AK9: variants seen among roughly 807,000 people sequenced by gnomAD.
AK9 encodes the protein adenylate kinase domain containing 1.
A neutral mutation model predicts 239.6 loss-of-function variants in AK9; 191 were observed. The observed-to-expected ratio is 0.80, with a 90% confidence interval of 0.71 to 0.90. The LOEUF is 0.90. Ranked by LOEUF, AK9 falls within the 40% of genes least tolerant of loss-of-function variation. The pLI is 0.00. For missense variants in AK9, 1,995 were observed against 2,214.7 expected (o/e 0.90, Z 1.99); for synonymous variants, 689 against 721.0 (o/e 0.96, Z 0.71).
chr6:109,547,722 T>C (rs1241678837), intron 25 of AK9, among the ~76,000 whole-genome samples: 2 of 151,808 alleles, frequency 1.3e-5, no homozygotes, highest in African/African-American at 4.8e-5. Context: ...AAAAAACCTC[T>C]GTATCACAAA....
intron 29 of AK9, among the ~76,000 whole-genome samples, chr6:109,523,062 G>GCAATTTACCCTC (rs1299122897): frequency 2.0e-5 from 3 of 151,994 alleles, no homozygotes; most frequent in African/African-American, 7.3e-5. Flanking sequence ...GAATTTTTCT[G>GCAATTTACCCTC]CAATTTACCC....
chr6:109,675,231 A>G (rs1771533275), intron 2 of AK9, among the ~76,000 whole-genome samples: 1 of 152,202 alleles, frequency 6.6e-6, no homozygotes, highest in Non-Finnish European at 1.5e-5. Flanking sequence ...CACTACTAAC[A>G]GTTGTCATGT....
At chr6:109,536,658 G>C in intron 27 of AK9, among the ~76,000 whole-genome samples, 1 of 152,214 alleles carries the variant, frequency 6.6e-6, no homozygotes, top group Admixed American at 6.5e-5. Context: ...GGAGTGGTGA[G>C]AGAGGGCATC....
chr6:109,515,307 A>C (rs1779167890), intron 31 of AK9, among the ~76,000 whole-genome samples: 1 of 152,238 alleles, frequency 6.6e-6, no homozygotes, highest in African/African-American at 2.4e-5. Context: ...CTATCATGAA[A>C]GGGAAAAATA....
chr6:109,567,875 A>G (rs1786799838), intron 21 of AK9, among the ~76,000 whole-genome samples: 1 of 114,958 alleles, frequency 8.7e-6, no homozygotes, highest in Non-Finnish European at 1.9e-5. Context: ...TAGAACTTAA[A>G]GTAAAATAAA....
chr6:109,516,123 T>C (rs1326340080), intron 30 of AK9, 48 bp from the exon 31 acceptor site: 16 of 1,451,520 alleles, frequency 1.1e-5, no homozygotes, highest in Non-Finnish European at 1.5e-5. Context: ...AGAAAAAGGC[T>C]GGTAGTATTT....
intron 17 of AK9, among the ~76,000 whole-genome samples, chr6:109,605,606 T>C (rs1230844343): frequency 6.6e-6 from 1 of 151,826 alleles, no homozygotes; most frequent in East Asian, 1.9e-4. Flanking sequence ...AATTTTGGAG[T>C]AAGAAAGAGA....
intron 6 of AK9, 35 bp from the exon 7 acceptor site, chr6:109,659,448 T>C (rs1800140137): frequency 6.4e-7 from 1 of 1,566,570 alleles, no homozygotes. Flanking sequence ...CTTAAAACAT[T>C]TTGAATATGC....
At chr6:109,517,436 T>A (rs1354579400) in intron 29 of AK9, among the ~76,000 whole-genome samples, 1 of 152,204 alleles carries the variant, frequency 6.6e-6, no homozygotes, top group African/African-American at 2.4e-5. Flanking sequence ...ATGTTACATG[T>A]TTTTGATGGT....
chr6:109,593,621 T>G (rs957309691), intron 17 of AK9, among the ~76,000 whole-genome samples: 4 of 152,102 alleles, frequency 2.6e-5, no homozygotes, highest in Admixed American at 2.6e-4. Context: ...CTCAATAAAA[T>G]ACTGGCAAAC....
rs2128149057 is a variant in AK9 at position 109,541,967 on chromosome 6, A to G, written c.3350+80T>C. The G allele has an allele frequency of 8.1e-6, 10 of 1,229,244 alleles. No individual in the cohort carries two copies. In the South Asian group the frequency reaches 1.4e-4, roughly 17 times the overall value. 76.1% of individuals were successfully genotyped at this position (1,229,244 alleles called of 1,614,324 possible). On this transcript the variant is annotated intron_variant, in intron 27 of 40. Coordinates refer to ENST00000424296, the MANE Select transcript of AK9 (RefSeq NM_001145128.3). ...TATAAAGGAGAAAGTTCTTAAATGT[A>G]TGTTAAACTACATTTTTAACTTTTA...
At chr6:109,565,473 C>CT in intron 21 of AK9, among the ~76,000 whole-genome samples, 1 of 99,254 alleles carries the variant, frequency 1.0e-5, no homozygotes, top group South Asian at 6.9e-4. Context: ...GACACCATCT[C>CT]TTTAAAAAAA....
chr6:109,667,871 A>C (rs757880808), intron 5 of AK9, among the ~76,000 whole-genome samples: 1 of 152,202 alleles, frequency 6.6e-6, no homozygotes, highest in Non-Finnish European at 1.5e-5. Flanking sequence ...ATATGTGTGC[A>C]TGTGTCCTTA....
intron 39 of AK9, 62 bp downstream of exon 39, chr6:109,495,276 G>A (rs1776918202): frequency 7.7e-7 from 1 of 1,302,738 alleles, no homozygotes; most frequent in Admixed American, 2.4e-5. Context: ...GAAAATTAGT[G>A]TTAAAAAGAA....
intron 17 of AK9, among the ~76,000 whole-genome samples, chr6:109,600,982 T>A (rs1343294068): frequency 6.6e-6 from 1 of 152,182 alleles, no homozygotes; most frequent in Non-Finnish European, 1.5e-5. Context: ...TCTTTATTAG[T>A]CTTGCTAGCA....
At chr6:109,591,890 C>T (rs550139436) in intron 17 of AK9, among the ~76,000 whole-genome samples, 1 of 151,532 alleles carries the variant, frequency 6.6e-6, no homozygotes, top group Non-Finnish European at 1.5e-5. Flanking sequence ...TCACTGCCAG[C>T]ACTCATTTGA....
intron 29 of AK9, chr6:109,528,558 T>A (rs753337510): frequency 3.7e-5 from 17 of 457,114 alleles, no homozygotes; most frequent in South Asian, 2.6e-4. Context: ...AATATTTTGT[T>A]TTGACAAAGC....
Position 109,565,604 on chromosome 6 carries a change from T to C in AK9, c.2345-759A>G, listed in dbSNP as rs75205669. 1.2e-3 allele frequency among the ~76,000 whole-genome samples: 176 copies of C among 152,282 alleles called. 1 individual carries two copies. The highest frequency in any genetic ancestry group is 4.0e-3 in the African/African-American group (166 of 41,568). On this transcript the variant is annotated intron_variant, in intron 21 of 40. Transcript: ENST00000424296. ...AGATTTAAGAGACTCTCAACTAATT[T>C]CACGGTTGAAGATATAGGTTGAAAA...
In AK9 at chr6:109,639,269, C is replaced by T. The variant is rs57395711; in HGVS notation, c.933+2249G>A. ...TTGAACTAATCTACACTCCCACCAA[C>T]GGTGTAAAAGTGTTCCTATTTCTCC... On this transcript the variant is annotated intron_variant, in intron 10 of 40. Coordinates refer to ENST00000424296, the MANE Select transcript of AK9 (RefSeq NM_001145128.3). Among the ~76,000 whole-genome samples, 1,154 of 152,320 alleles carry T rather than the reference C, an allele frequency of 7.6e-3. 16 individuals carry two copies. The highest frequency in any genetic ancestry group is 0.022 in the African/African-American group (925 of 41,572).
Sources: gnomAD v4.1 joint callset for allele counts (sites outside exome capture counted in the v4.1 genomes callset) on GRCh38, gnomAD v4.1.1 for gene constraint, MANE v1.5 for transcripts, NCBI Gene and HGNC (gene_info 2026-07-23, HGNC 2026-07-21) for gene names.